FCHSD2: variants seen among roughly 807,000 people sequenced by gnomAD.
FCHSD2 encodes FCH and double SH3 domains 2.
FCHSD2 carries 38 observed loss-of-function variants against 108.1 expected under a neutral mutation model. That is an observed-to-expected ratio of 0.35 (90% CI 0.27 to 0.46). The LOEUF is 0.46. FCHSD2 is among the 20% of genes least tolerant of loss of function. The pLI, the probability that FCHSD2 is intolerant of heterozygous loss-of-function variation, is 1.00. For missense variants in FCHSD2, 751 were observed against 897.8 expected (o/e 0.84, Z 2.09); for synonymous variants, 279 against 314.7 (o/e 0.89, Z 1.20).
chr11:72,927,434 T>C (rs995308388), intron 8 of FCHSD2, among the ~76,000 whole-genome samples: 4 of 152,150 alleles, frequency 2.6e-5, no homozygotes, highest in African/African-American at 7.2e-5. Context: ...TTGCAACAAA[T>C]GTGCCACTCT....
At chr11:72,851,470 G>C (rs1323393780) in intron 13 of FCHSD2, among the ~76,000 whole-genome samples, 1 of 152,136 alleles carries the variant, frequency 6.6e-6, no homozygotes, top group Non-Finnish European at 1.5e-5. Flanking sequence ...GCCGGGTGAG[G>C]TGGCTCATTC....
At chr11:72,853,999 CA>C (rs1418591750) in intron 13 of FCHSD2, among the ~76,000 whole-genome samples, 1 of 151,998 alleles carries the variant, frequency 6.6e-6, no homozygotes, top group Non-Finnish European at 1.5e-5. Context: ...TAGGGAAATG[CA>C]AATCAAAACC....
intron 14 of FCHSD2, 39 bp downstream of exon 14, chr11:72,849,716 A>T: frequency 6.7e-7 from 1 of 1,503,000 alleles, no homozygotes; most frequent in African/African-American, 1.4e-5. Flanking sequence ...CTTCAGAGTT[A>T]ATCAGAATTT....
chr11:73,028,144 C>T (rs890736118), intron 3 of FCHSD2, among the ~76,000 whole-genome samples: 2 of 152,092 alleles, frequency 1.3e-5, no homozygotes, highest in Non-Finnish European at 2.9e-5. Flanking sequence ...GAGCCACCAT[C>T]CTCCAGATCC....
At chr11:72,922,067 T>C (rs750072458) in intron 8 of FCHSD2, 117 bp from the exon 9 acceptor site, 7 of 638,042 alleles carry the variant, frequency 1.1e-5, no homozygotes, top group Non-Finnish European at 1.6e-5. Context: ...TAATAATAAA[T>C]GGACAAAAGA....
chr11:73,051,037 T>G lies in FCHSD2; in HGVS notation c.165+32658A>C, dbSNP rs1858886492. On this transcript the variant is annotated intron_variant, in intron 3 of 19. Transcript: ENST00000409418. ...AATGGAAATATTTTAAAAATCTTGC[T>G]GGGCACAGTGGCTCATGCCTGTAAT... Among the ~76,000 whole-genome samples, 4 of 152,342 alleles carry G rather than the reference T, an allele frequency of 2.6e-5. No homozygotes were observed. The South Asian group carries it at 8.3e-4, about 32-fold the overall frequency.
At chr11:72,950,591 C>T (rs1195743892) in intron 8 of FCHSD2, among the ~76,000 whole-genome samples, 2 of 152,182 alleles carry the variant, frequency 1.3e-5, no homozygotes, top group East Asian at 3.8e-4. Context: ...ACTATTCTTT[C>T]CTCCACTGAA....
intron 2 of FCHSD2, among the ~76,000 whole-genome samples, chr11:73,096,609 T>C (rs546668634): frequency 9.1e-4 from 138 of 152,190 alleles, no homozygotes; most frequent in South Asian, 1.5e-3. Context: ...GATAGAATTA[T>C]AGAATGTCAA....
At chr11:72,869,468 G>A (rs1339742971) in intron 12 of FCHSD2, 1 of 151,656 alleles carries the variant, frequency 6.6e-6, no homozygotes, top group East Asian at 1.9e-4. Flanking sequence ...CAGAGGCAGA[G>A]AGACAGAGAA....
At chr11:73,099,021 C>T (rs181968071) in intron 2 of FCHSD2, among the ~76,000 whole-genome samples, 1 of 152,318 alleles carries the variant, frequency 6.6e-6, no homozygotes, top group East Asian at 1.9e-4. Context: ...CAAAGCCAGC[C>T]TGGCCCACAT....
intron 10 of FCHSD2, chr11:72,900,295 G>A (rs1855501109): frequency 6.5e-7 from 1 of 1,549,342 alleles, no homozygotes; most frequent in South Asian, 1.2e-5. Flanking sequence ...ACAGGGGAGA[G>A]CTCAATATCC....
chr11:72,874,480 G>A lies in FCHSD2; in HGVS notation c.1147-6454C>T, dbSNP rs181721870. 3.9e-3 allele frequency among the ~76,000 whole-genome samples: 600 copies of A among 152,300 alleles called. 8 individuals carry two copies. In the South Asian group the frequency reaches 0.041, roughly 10 times the overall value. On this transcript the variant is annotated intron_variant, in intron 12 of 19. Transcript: ENST00000409418. ...GCTGGGATTACAGGTGCGAGCCACT[G>A]TGCCTGACCTCTAGTATTCATTTTA...
chr11:72,926,900 G>A (rs1856087186), intron 8 of FCHSD2, among the ~76,000 whole-genome samples: 1 of 152,140 alleles, frequency 6.6e-6, no homozygotes, highest in Non-Finnish European at 1.5e-5. Flanking sequence ...TTATACAGAT[G>A]TGCATTATTT....
chr11:73,003,891 G>A (rs1857680207), intron 4 of FCHSD2, among the ~76,000 whole-genome samples: 1 of 151,562 alleles, frequency 6.6e-6, no homozygotes, highest in South Asian at 2.1e-4. Context: ...CAGACTGCCT[G>A]AGGTCAGGAG....
At chr11:72,992,910 G>T in intron 5 of FCHSD2, among the ~76,000 whole-genome samples, 1 of 152,140 alleles carries the variant, frequency 6.6e-6, no homozygotes, top group Non-Finnish European at 1.5e-5. Flanking sequence ...TGACAAATAG[G>T]ATCTAATTAA....
At chr11:73,097,667 G>C (rs899261438) in intron 2 of FCHSD2, among the ~76,000 whole-genome samples, 2 of 121,474 alleles carry the variant, frequency 1.6e-5, no homozygotes, top group Non-Finnish European at 3.5e-5. Context: ...ACTTGTTATT[G>C]AGAATTTCTA....
rs367926797 is a variant in FCHSD2, at chr11:72,861,473, T to C, written c.1308+6392A>G. 4.6e-5 allele frequency among the ~76,000 whole-genome samples: 7 copies of C among 150,964 alleles called. No homozygotes were observed. In the South Asian group the frequency reaches 1.2e-3, roughly 27 times the overall value. On this transcript the variant is annotated intron_variant, in intron 13 of 19. Coordinates refer to ENST00000409418, the MANE Select transcript of FCHSD2 (RefSeq NM_014824.3). ...AACATTTCAGGAAGACGAAATTCCA[T>C]ACAATTCTACACAAGGCTTCCAGAA...
chr11:73,069,993 A>G (rs1859394640), intron 3 of FCHSD2, among the ~76,000 whole-genome samples: 1 of 152,250 alleles, frequency 6.6e-6, no homozygotes, highest in Admixed American at 6.5e-5. Flanking sequence ...TAGAATGCAC[A>G]TACATGGGCT....
intron 3 of FCHSD2, among the ~76,000 whole-genome samples, chr11:73,076,592 G>A (rs1449744040): frequency 6.6e-6 from 1 of 152,158 alleles, no homozygotes; most frequent in Non-Finnish European, 1.5e-5. Context: ...TAATGGCAAT[G>A]TTCTAAAACT....
Sources: allele counts gnomAD v4.1 joint callset (sites outside exome capture counted in the v4.1 genomes callset), GRCh38; gene constraint gnomAD v4.1.1; transcripts MANE v1.5; gene names NCBI Gene and HGNC (gene_info 2026-07-23, HGNC 2026-07-21).